Variants in ZEB1 observed in about 807,000 individuals in gnomAD.
The protein encoded by ZEB1 is zinc finger E-box-binding homeobox 1.
ZEB1 carries 21 observed loss-of-function variants against 84.9 expected under a neutral mutation model. The observed-to-expected ratio is 0.25, with a 90% CI of 0.18 to 0.36. ZEB1 has a LOEUF of 0.36. Ranked by LOEUF, ZEB1 falls within the 10% of genes least tolerant of loss-of-function variation. The pLI, the probability that ZEB1 is intolerant of heterozygous loss-of-function variation, is 1.00. For synonymous variants in ZEB1, 420 were observed against 471.1 expected (o/e 0.89, Z 1.41); for missense variants, 1,104 against 1,330.2 (o/e 0.83, Z 2.65).
intron 1 of ZEB1, among the ~76,000 whole-genome samples, chr10:31,446,844 A>G (rs887705772): frequency 2.0e-5 from 3 of 151,668 alleles, no homozygotes; most frequent in East Asian, 1.9e-4. Flanking sequence ...TATGTGGTCA[A>G]TTTTGGAATA....
intron 1 of ZEB1, among the ~76,000 whole-genome samples, chr10:31,444,902 T>A (rs1317697788): frequency 6.6e-6 from 1 of 152,132 alleles, no homozygotes; most frequent in East Asian, 1.9e-4. Flanking sequence ...TGCAGGTTCT[T>A]TTTTGGTTCC....
intron 1 of ZEB1, among the ~76,000 whole-genome samples, chr10:31,436,952 T>A (rs890248103): frequency 6.6e-6 from 1 of 152,192 alleles, no homozygotes; most frequent in Non-Finnish European, 1.5e-5. Context: ...CTTTATTGGA[T>A]ATTATTTATT....
chr10:31,412,866 G>A (rs1168459222), intron 1 of ZEB1, among the ~76,000 whole-genome samples: 3 of 152,130 alleles, frequency 2.0e-5, no homozygotes, highest in Non-Finnish European at 4.4e-5. Context: ...AGCGAAGGTG[G>A]TAAAACTCTC....
chr10:31,429,334 A>G (rs2057381076), intron 1 of ZEB1, among the ~76,000 whole-genome samples: 1 of 152,130 alleles, frequency 6.6e-6, no homozygotes, highest in African/African-American at 2.4e-5. Context: ...AGTTTGGCTA[A>G]CTATGAAATT....
At chr10:31,463,438 G>C (rs2137541558) in intron 2 of ZEB1, among the ~76,000 whole-genome samples, 1 of 152,272 alleles carries the variant, frequency 6.6e-6, no homozygotes, top group African/African-American at 2.4e-5. Flanking sequence ...GCAGATCATA[G>C]AAGACACTTT....
At position 31,389,021 on chromosome 10, in the gene ZEB1, A is replaced by G. The variant is rs139159729; in HGVS notation, c.58+69729A>G. 5.6e-3 allele frequency among the ~76,000 whole-genome samples: 850 copies of G among 152,268 alleles called. 13 individuals carry two copies. The highest frequency in any genetic ancestry group is 0.02 in the African/African-American group (815 of 41,572). On this transcript the variant is annotated intron_variant, in intron 1 of 8. Transcript: ENST00000424869. ...TTTTATGATAGTACATATTTTAGCAACATACTTTAGAAAAGAAAAGTTTAT... is the reference window on the plus strand; with the variant it reads ...TTTTATGATAGTACATATTTTAGCAGCATACTTTAGAAAAGAAAAGTTTAT...
At chr10:31,465,701 C>T (rs1305897371) in intron 2 of ZEB1, among the ~76,000 whole-genome samples, 1 of 152,012 alleles carries the variant, frequency 6.6e-6, no homozygotes, top group East Asian at 1.9e-4. Context: ...GTAACTTCAA[C>T]CTCCTGGACT....
intron 5 of ZEB1, among the ~76,000 whole-genome samples, chr10:31,511,699 A>T (rs188710735): frequency 1.3e-5 from 2 of 152,318 alleles, no homozygotes; most frequent in Admixed American, 1.3e-4. Context: ...AGTTTCTTAC[A>T]TCAAAGAATG....
Position 31,502,363 on chromosome 10 carries a change from G to T in ZEB1, c.338G>T (p.Cys113Phe), listed in dbSNP as rs2068275656. 6.2e-7 allele frequency: 1 copy of T among 1,613,644 alleles called. No homozygotes were observed. Among genetic ancestry groups the T allele is most frequent in the African/African-American group, 1.3e-5 (1 of 74,908 alleles). Reference sequence around the variant, plus strand: ...TTTTTTTTAGTAAAAGATGATGAATGCGAGTCAGATGCAGAAAATGAGCAA... The same window carrying T: ...TTTTTTTTAGTAAAAGATGATGAATTCGAGTCAGATGCAGAAAATGAGCAA... ...EAGCTVKDDE[C>F]ESDAENEQNH... Residue 113 changes from cysteine (C) to phenylalanine (F), a missense_variant, in exon 4 of 9, where the codon TGC becomes TTC. Coordinates refer to ENST00000424869, the MANE Select transcript of ZEB1 (RefSeq NM_001174096.2).
intron 1 of ZEB1, among the ~76,000 whole-genome samples, chr10:31,368,264 C>A (rs368093837): frequency 6.6e-6 from 1 of 152,132 alleles, no homozygotes; most frequent in African/African-American, 2.4e-5. Context: ...AATCGATCCC[C>A]CCACTTCAGC....
chr10:31,328,287 C>A (rs2036028572), intron 1 of ZEB1, among the ~76,000 whole-genome samples: 1 of 152,132 alleles, frequency 6.6e-6, no homozygotes, highest in East Asian at 1.9e-4. Flanking sequence ...CTGTAACTTA[C>A]TACCTATCAC....
At chr10:31,510,273 T>A (rs969199236) in intron 4 of ZEB1, among the ~76,000 whole-genome samples, 13 of 152,216 alleles carry the variant, frequency 8.5e-5, no homozygotes, top group Non-Finnish European at 1.6e-4. Flanking sequence ...ACCAATAGAC[T>A]CTGTTGTAGA....
At chr10:31,319,015 A>C, upstream of ZEB1, 1 of 590,112 alleles carries the variant, frequency 1.7e-6, no homozygotes, top group East Asian at 3.1e-5. Flanking sequence ...ATTCAAATTC[A>C]GCAGTGCCCA....
At chr10:31,318,991 T>A (rs567832307), upstream of ZEB1, 50 of 566,386 alleles carry the variant, frequency 8.8e-5, no homozygotes, top group African/African-American at 8.8e-4. Context: ...GGAAAACTTT[T>A]CCCTCGCCCC....
At chr10:31,373,150 G>A (rs1590477394) in intron 1 of ZEB1, 2 of 985,354 alleles carry the variant, frequency 2.0e-6, no homozygotes, top group Non-Finnish European at 2.4e-6. Context: ...GACTAATGGA[G>A]TGACTATCAA....
chr10:31,510,807 A>G lies in ZEB1; in HGVS notation c.619A>G (p.Ser207Gly), dbSNP rs549284707. The G allele has an allele frequency of 3.3e-5, 54 of 1,614,022 alleles. No individual in the cohort carries two copies. In the South Asian group the frequency reaches 4.6e-4, roughly 14 times the overall value. ...NEDNFSCSLCSYTFAYRTQLE... is the reference protein window; with the variant it reads ...NEDNFSCSLCGYTFAYRTQLE... ...AGATAACTTTAGTTGCTCCCTGTGC[A>G]GTTACACCTTTGCATACAGAACCCA... Residue 207 changes from serine to glycine, a missense_variant, in exon 5 of 9, where the codon AGT becomes GGT. Physicochemically the swap from Ser to Gly is moderately conservative, Grantham distance 56. Transcript: ENST00000424869.
intron 1 of ZEB1, chr10:31,320,343 C>T (rs959836805): frequency 6.6e-6 from 1 of 152,220 alleles, no homozygotes; most frequent in Non-Finnish European, 1.5e-5. Context: ...GACGAGGTCT[C>T]TGCGCCGGGA....
At chr10:31,519,580 A>G (rs1472631414) in intron 6 of ZEB1, among the ~76,000 whole-genome samples, 1 of 152,238 alleles carries the variant, frequency 6.6e-6, no homozygotes, top group Non-Finnish European at 1.5e-5. Context: ...GCCAATGCTT[A>G]TAGAATATCT....
chr10:31,443,180 GT>G (rs1487316579), intron 1 of ZEB1, among the ~76,000 whole-genome samples: 1 of 152,188 alleles, frequency 6.6e-6, no homozygotes, highest in Non-Finnish European at 1.5e-5. Context: ...TCATTTTTGT[GT>G]GTGCGAATTG....
Sources: allele counts gnomAD v4.1 joint callset (sites outside exome capture counted in the v4.1 genomes callset), GRCh38; gene constraint gnomAD v4.1.1; transcripts MANE v1.5; gene names NCBI Gene and HGNC (gene_info 2026-07-23, HGNC 2026-07-21).